Variants in MCM8 observed in about 807,000 individuals in gnomAD.
MCM8 encodes the protein DNA helicase MCM8.
In MCM8, 85 loss-of-function variants were observed where a neutral mutation model predicts 98.9. The ratio of observed to expected loss-of-function variants is 0.86; its 90% CI spans 0.72 to 1.03. MCM8 has a LOEUF of 1.03. Ranked by LOEUF, MCM8 falls within the 50% of genes least tolerant of loss-of-function variation. The probability of loss-of-function intolerance (pLI) is 0.00; values close to 1 mark genes in which losing one functional copy is unlikely to be tolerated. For synonymous variants in MCM8, 352 were observed against 338.6 expected, an observed-to-expected ratio of 1.04 and a Z score of -0.44; for missense variants, 951 against 997.8, an observed-to-expected ratio of 0.95 and a Z score of 0.63.
chr20:5,984,450 A>T (rs1345632647), intron 14 of MCM8, among the ~76,000 whole-genome samples: 1 of 152,216 alleles, frequency 6.6e-6, no homozygotes, highest in Non-Finnish European at 1.5e-5. Context: ...TAATGGTATC[A>T]TGAACAAAAT....
chr20:5,950,675 G>T lies in MCM8; in HGVS notation c.-354G>T, dbSNP rs954673190. 4 of 384,558 alleles carry T rather than the reference G, an allele frequency of 1.0e-5. No individual in the cohort carries two copies. The highest frequency in any genetic ancestry group is 1.9e-5 in the Non-Finnish European group (4 of 212,660). 23.8% of individuals were successfully genotyped at this position (384,558 alleles called of 1,614,324 possible). ...TTCTTTGAGCGGAAGTTGGATCACT[G>T]AAGCGCCAAAAAAGAATTTAGGGGA... On this transcript the variant is annotated 5_prime_UTR_variant, in exon 1 of 19. Coordinates refer to ENST00000610722, the MANE Select transcript of MCM8 (RefSeq NM_032485.6).
At chr20:5,978,993 C>A (rs2089574977) in intron 13 of MCM8, among the ~76,000 whole-genome samples, 2 of 152,200 alleles carry the variant, frequency 1.3e-5, no homozygotes, top group Non-Finnish European at 2.9e-5. Context: ...TGGGCTTTGT[C>A]ACCTAAGTTT....
intron 13 of MCM8, among the ~76,000 whole-genome samples, chr20:5,979,584 C>T (rs779895344): frequency 4.6e-5 from 7 of 152,122 alleles, no homozygotes; most frequent in Admixed American, 1.3e-4. Flanking sequence ...TCAGAAAACA[C>T]GGAGCCATCC....
At position 5,954,700 on chromosome 20, in the gene MCM8, C is replaced by T; in HGVS notation, c.336+10C>T. ...TGATTTGTATGACAAGGTAAGATTC[C>T]TCTACAGCAAAGCTACCAGTCATGT... On this transcript the variant is annotated intron_variant, in intron 4 of 18. Transcript: ENST00000610722. 2 of 1,508,608 alleles carry T rather than the reference C, an allele frequency of 1.3e-6. No individual in the cohort carries two copies. The highest frequency in any genetic ancestry group is 1.1e-5 in the South Asian group (1 of 88,460). 93.5% of individuals were successfully genotyped at this position (1,508,608 alleles called of 1,614,324 possible). A position where few individuals can be genotyped will look rare whatever the true frequency, so the allele number is the denominator to read the frequency against.
At chr20:5,968,928 G>A (rs1468009738) in intron 10 of MCM8, among the ~76,000 whole-genome samples, 16 of 152,196 alleles carry the variant, frequency 1.1e-4, no homozygotes, top group African/African-American at 2.4e-5. Flanking sequence ...CCATGCCGTG[G>A]AGAAGCAGCA....
chr20:5,958,594 T>G lies in MCM8; in HGVS notation c.657T>G (p.Ile219Met). The G allele has an allele frequency of 6.2e-7, 1 of 1,614,160 alleles. No individual in the cohort carries two copies. Among genetic ancestry groups the G allele is most frequent in the Non-Finnish European group, 8.5e-7 (1 of 1,180,008 alleles). Residue 219 changes from isoleucine (I) to methionine (M), a missense_variant, in exon 7 of 19, where the codon ATT (isoleucine) becomes ATG (methionine). Physicochemically the swap from Ile to Met is conservative, Grantham distance 10. Transcript: ENST00000610722. ...GAGCAAATTACTATGGAAAATACAT[T>G]GCTCTAAGAGGGACAGTGGTTCGTG... ...NVRANYYGKYIALRGTVVRVS... is the reference protein window; with the variant it reads ...NVRANYYGKYMALRGTVVRVS...
intron 10 of MCM8, among the ~76,000 whole-genome samples, chr20:5,969,266 A>G (rs1425077745): frequency 1.3e-5 from 2 of 152,168 alleles, no homozygotes; most frequent in African/African-American, 4.8e-5. Context: ...GAGGTAAAGA[A>G]CTGAGAACGT....
chr20:5,957,492 A>G (rs947936946), intron 6 of MCM8, among the ~76,000 whole-genome samples: 2 of 152,214 alleles, frequency 1.3e-5, no homozygotes, highest in African/African-American at 4.8e-5. Context: ...GAACTTATCA[A>G]GACCCTGCTG....
intron 16 of MCM8, 102 bp from the exon 17 acceptor site, chr20:5,987,180 A>G (rs1600305040): frequency 8.9e-7 from 1 of 1,125,636 alleles, no homozygotes; most frequent in Non-Finnish European, 1.3e-6. Context: ...CCTCGCCTAA[A>G]GGTCAGTTTT....
intron 14 of MCM8, among the ~76,000 whole-genome samples, chr20:5,984,038 G>T (rs1231332584): frequency 6.6e-6 from 1 of 152,184 alleles, no homozygotes; most frequent in Non-Finnish European, 1.5e-5. Context: ...TAAATATGTG[G>T]TATGATCCTG....
intron 8 of MCM8, 102 bp downstream of exon 8, chr20:5,963,461 CAA>C (rs1364733265): frequency 1.2e-5 from 9 of 742,534 alleles, no homozygotes; most frequent in Non-Finnish European, 1.8e-5. Context: ...ATCTAAATGA[CAA>C]AGTGTATAAT....
At chr20:5,970,133 C>T (rs1205506930) in intron 10 of MCM8, among the ~76,000 whole-genome samples, 2 of 152,136 alleles carry the variant, frequency 1.3e-5, no homozygotes, top group Non-Finnish European at 2.9e-5. Context: ...TAAAACACAG[C>T]CCCACCCAGT....
At chr20:5,959,124 A>G (rs1414592066) in intron 7 of MCM8, among the ~76,000 whole-genome samples, 1 of 151,414 alleles carries the variant, frequency 6.6e-6, no homozygotes, top group African/African-American at 2.4e-5. Context: ...TTCTTCTACT[A>G]TTTAGAAGTG....
In MCM8 at chr20:5,994,362, C is replaced by T; in HGVS notation, c.2494C>T (p.Pro832Ser). ...NDQGYLLKKG[P>S]KVYQLQTM Reference sequence around the variant, plus strand: ...CCAGGGTTACCTCTTGAAAAAAGGCCCAAAAGTTTACCAGCTTCAAACTAT... The same window carrying T: ...CCAGGGTTACCTCTTGAAAAAAGGCTCAAAAGTTTACCAGCTTCAAACTAT... Residue 832 changes from proline to serine, a missense_variant, in exon 19 of 19, where the codon CCA (proline) becomes TCA (serine). Pro to Ser is a moderately conservative substitution (Grantham distance 74, BLOSUM62 -1). Transcript: ENST00000610722. The T allele has an allele frequency of 6.2e-7, 1 of 1,608,896 alleles. No homozygotes were observed. Among genetic ancestry groups the T allele is most frequent in the Non-Finnish European group, 8.5e-7 (1 of 1,178,102 alleles).
intron 10 of MCM8, among the ~76,000 whole-genome samples, 170 bp downstream of exon 10, chr20:5,968,195 T>A (rs1196068759): frequency 9.9e-5 from 15 of 152,222 alleles, no homozygotes; most frequent in Admixed American, 9.8e-4. Flanking sequence ...GTTTTTATAT[T>A]TTTTAATGGT....
chr20:5,970,729 C>A (rs758348663), intron 10 of MCM8, among the ~76,000 whole-genome samples: 2 of 152,212 alleles, frequency 1.3e-5, no homozygotes, highest in Non-Finnish European at 2.9e-5. Flanking sequence ...ATGTTTTACT[C>A]CTGATTTTCT....
At chr20:5,952,210 A>C in intron 2 of MCM8, 47 bp downstream of exon 2, 2 of 1,605,896 alleles carry the variant, frequency 1.2e-6, no homozygotes, top group East Asian at 4.5e-5. Context: ...TAAGGAAGCA[A>C]TTCACGTCTA....
chr20:5,963,112 G>C (rs2089189703), intron 7 of MCM8, among the ~76,000 whole-genome samples, 162 bp from the exon 8 acceptor site: 1 of 152,122 alleles, frequency 6.6e-6, no homozygotes, highest in Non-Finnish European at 1.5e-5. Flanking sequence ...AATTGTTGCA[G>C]GAGGAAATAG....
At chr20:5,987,871 T>A (rs1262869977) in intron 17 of MCM8, among the ~76,000 whole-genome samples, 1 of 152,220 alleles carries the variant, frequency 6.6e-6, no homozygotes, top group African/African-American at 2.4e-5. Flanking sequence ...AGATACTTCA[T>A]ATGTGGGTAA....
Sources: gnomAD v4.1 joint callset for allele counts (sites outside exome capture counted in the v4.1 genomes callset) on GRCh38, gnomAD v4.1.1 for gene constraint, MANE v1.5 for transcripts, NCBI Gene and HGNC (gene_info 2026-07-23, HGNC 2026-07-21) for gene names.